The following ATP9A variants were observed in gnomAD, a reference collection of about 807,000 sequenced individuals.
The protein encoded by ATP9A is probable phospholipid-transporting ATPase IIA.
ATP9A carries 52 observed loss-of-function variants against 144.1 expected under a neutral mutation model. The observed-to-expected ratio is 0.36, with a 90% CI of 0.29 to 0.45. The LOEUF is 0.45. ATP9A is among the 20% of genes least tolerant of loss of function. The pLI is 1.00. For missense variants in ATP9A, 947 were observed against 1,392.7 expected (o/e 0.68, Z 5.09); for synonymous variants, 582 against 557.4 (o/e 1.04, Z -0.62).
chr20:51,711,388 G>A (rs950461439), intron 4 of ATP9A, among the ~76,000 whole-genome samples: 3 of 151,930 alleles, frequency 2.0e-5, no homozygotes, highest in Non-Finnish European at 4.4e-5. Flanking sequence ...TGAAAACCCC[G>A]AAGGAACCAT....
chr20:51,760,005 T>C (rs549050901), intron 1 of ATP9A, among the ~76,000 whole-genome samples: 2 of 152,160 alleles, frequency 1.3e-5, no homozygotes, highest in African/African-American at 4.8e-5. Flanking sequence ...AGGCTTCTCA[T>C]TGCAGCTCTC....
chr20:51,728,758 C>G (rs2077726780), intron 2 of ATP9A, among the ~76,000 whole-genome samples: 1 of 151,742 alleles, frequency 6.6e-6, no homozygotes, highest in East Asian at 1.9e-4. Context: ...ACAGTGAGAT[C>G]TGGTCTCTTA....
At position 51,639,416 on chromosome 20, in the gene ATP9A, T is replaced by C. The variant is rs573310854; in HGVS notation, c.1595A>G (p.Gln532Arg). 3.7e-6 allele frequency: 6 copies of C among 1,614,102 alleles called. No homozygotes were observed. In the South Asian group the frequency reaches 5.5e-5, roughly 15 times the overall value. Residue 532 changes from glutamine (Q) to arginine (R), a missense_variant, in exon 15 of 28, where the codon CAG becomes CGG. Physicochemically the swap from Gln to Arg is conservative, Grantham distance 43. Transcript: ENST00000338821. Reference sequence around the variant, plus strand: ...CTGTAGGATGGTGAAGTTCAGGATCTGGTCGCCAGGGGTCCTCAGCTGCAT... The same window carrying C: ...CTGTAGGATGGTGAAGTTCAGGATCCGGTCGCCAGGGGTCCTCAGCTGCAT... ...SSMQLRTPGD[Q>R]ILNFTILQIF...
At chr20:51,762,018 T>C (rs1409054673) in intron 1 of ATP9A, among the ~76,000 whole-genome samples, 2 of 152,066 alleles carry the variant, frequency 1.3e-5, no homozygotes, top group African/African-American at 2.4e-5. Flanking sequence ...AATCTTTCTC[T>C]TATGCTGACA....
In ATP9A at chr20:51,613,748, TC is replaced by T. The variant is rs1389514362; in HGVS notation, c.2499del (p.Asn834ThrfsTer13). On this transcript the variant is annotated frameshift_variant, in exon 23 of 28. Coordinates refer to ENST00000338821, the MANE Select transcript of ATP9A (RefSeq NM_006045.3). LOFTEE classifies it high-confidence loss of function. ...AGGGCGGCTGACCGCTTGTAGCTGT[TC>T]CGGCCATGCACCATAAGCAACCGGC... is the stretch of plus-strand genomic sequence containing the variant. ...HLGRLLMVHG[R>X]NSYKRSAALS... 6.2e-7 allele frequency: 1 copy of T among 1,614,042 alleles called. No individual in the cohort carries two copies. The highest frequency in any genetic ancestry group is 1.3e-5 in the African/African-American group (1 of 74,928).
chr20:51,627,477 A>T, intron 17 of ATP9A, 123 bp downstream of exon 17: 2 of 881,636 alleles, frequency 2.3e-6, no homozygotes, highest in Non-Finnish European at 3.7e-6. Flanking sequence ...CTTCAACAAC[A>T]GTGAACCCAG....
At chr20:51,653,935 G>T (rs1347183678) in intron 14 of ATP9A, among the ~76,000 whole-genome samples, 3 of 152,110 alleles carry the variant, frequency 2.0e-5, no homozygotes, top group Non-Finnish European at 2.9e-5. Flanking sequence ...CCAAAAATAT[G>T]GCCCTCTCTG....
chr20:51,625,289 T>C lies in ATP9A; in HGVS notation c.1919A>G (p.Glu640Gly). ...LKVATVIESL[E>G]MEMELLCLTG... ...CAGGCACAGCAGTTCCATCTCCATC[T>C]CCAGGCTCTCGATCACCGTGGCCAC... The change falls in exon 18 of 28, where the codon GAG becomes GGG. Residue 640 changes from glutamate to glycine, a missense_variant. Around this residue, in one of 2 missense-constraint regions of ATP9A, gnomAD observed 770 missense variants for 1,047.9 expected, o/e 0.73. Transcript: ENST00000338821. 6.2e-7 allele frequency: 1 copy of C among 1,614,190 alleles called. No individual in the cohort carries two copies. The highest frequency in any genetic ancestry group is 8.5e-7 in the Non-Finnish European group (1 of 1,180,020).
chr20:51,600,303 T>C lies in ATP9A; in HGVS notation c.*908A>G, dbSNP rs1196608559. 2.0e-5 allele frequency: 3 copies of C among 152,198 alleles called. No homozygotes were observed. Among genetic ancestry groups the C allele is most frequent in the Non-Finnish European group, 4.4e-5 (3 of 68,026 alleles). 9.4% of individuals were successfully genotyped at this position (152,198 alleles called of 1,614,324 possible). On this transcript the variant is annotated 3_prime_UTR_variant, in exon 28 of 28. Coordinates refer to ENST00000338821, the MANE Select transcript of ATP9A (RefSeq NM_006045.3). ...TGGAGGATCTGAGTCACATCTGCCA[T>C]GTTGCCTAAAGAATTAGTTGAGTCT...
intron 26 of ATP9A, among the ~76,000 whole-genome samples, chr20:51,606,038 G>C (rs756283158): frequency 1.3e-5 from 2 of 152,228 alleles, no homozygotes; most frequent in Non-Finnish European, 2.9e-5. Context: ...GGGAGGCCAA[G>C]GTGGGCGGAT....
chr20:51,645,380 C>T (rs575710935), intron 14 of ATP9A, among the ~76,000 whole-genome samples: 3 of 152,256 alleles, frequency 2.0e-5, no homozygotes, highest in South Asian at 2.1e-4. Context: ...ATTAGCAGAG[C>T]GTGGTGGCAG....
At chr20:51,636,543 C>T (rs1045826457) in intron 15 of ATP9A, among the ~76,000 whole-genome samples, 1 of 152,184 alleles carries the variant, frequency 6.6e-6, no homozygotes, top group East Asian at 1.9e-4. Context: ...CACACCCCAG[C>T]CCTAACCCCC....
chr20:51,608,980 G>A (rs534972005), intron 24 of ATP9A, among the ~76,000 whole-genome samples: 1 of 145,188 alleles, frequency 6.9e-6, no homozygotes, highest in East Asian at 2.1e-4. Flanking sequence ...AATTTTAGAG[G>A]CTGAGGAACA....
chr20:51,658,021 G>T (rs906191885), intron 13 of ATP9A, among the ~76,000 whole-genome samples: 10 of 152,206 alleles, frequency 6.6e-5, no homozygotes, highest in Non-Finnish European at 1.5e-4. Context: ...CCAGGAATGG[G>T]TTAAGTCTTG....
chr20:51,684,047 T>C (rs964621441), intron 9 of ATP9A, among the ~76,000 whole-genome samples: 5 of 151,888 alleles, frequency 3.3e-5, no homozygotes, highest in Admixed American at 6.6e-5. Flanking sequence ...TAGCCAGGCA[T>C]GGTGAGGTGC....
At chr20:51,696,224 C>A in intron 5 of ATP9A, 80 bp from the exon 6 acceptor site, 1 of 1,296,906 alleles carries the variant, frequency 7.7e-7, no homozygotes, top group Admixed American at 1.9e-5. Context: ...TCCGCCCCCA[C>A]CCCCAACCCC....
Position 51,608,632 on chromosome 20 carries a change from A to G in ATP9A, c.2637-6T>C. The G allele has an allele frequency of 6.3e-7, 1 of 1,579,908 alleles. No individual in the cohort carries two copies. On this transcript the variant is annotated splice_polypyrimidine_tract_variant and splice_region_variant and intron_variant, in intron 24 of 27. Transcript: ENST00000338821. ...TGGTGTAAATTGTGGAGTACCTGGG[A>G]GAGAAAACCGCCATAGGTAAGACCT...
rs763046991 is a variant in ATP9A, at chr20:51,657,165, A to T, written c.1294-15T>A. ...TCCTGGGATTGCTACAGGAAGGAGAAATGAACAAGGAAGATGACCAGAGGC... is the reference window on the plus strand; with the variant it reads ...TCCTGGGATTGCTACAGGAAGGAGATATGAACAAGGAAGATGACCAGAGGC... On this transcript the variant is annotated splice_polypyrimidine_tract_variant and intron_variant, in intron 13 of 27. Coordinates refer to ENST00000338821, the MANE Select transcript of ATP9A (RefSeq NM_006045.3). 3.1e-6 allele frequency: 5 copies of T among 1,603,384 alleles called. No individual in the cohort carries two copies. Among genetic ancestry groups the T allele is most frequent in the Non-Finnish European group, 4.3e-6 (5 of 1,170,708 alleles).
In ATP9A at chr20:51,706,567, C is replaced by T. The variant is rs145693180; in HGVS notation, c.436+6399G>A. 2.9e-3 allele frequency among the ~76,000 whole-genome samples: 449 copies of T among 152,294 alleles called. 2 individuals carry two copies. The highest frequency in any genetic ancestry group is 9.9e-3 in the African/African-American group (410 of 41,558). Reference sequence around the variant, plus strand: ...CTTGAGCCCAGGAGTTCGAGACTGGCCTGGTAACTTCATCTCTATAAAGAA... The same window carrying T: ...CTTGAGCCCAGGAGTTCGAGACTGGTCTGGTAACTTCATCTCTATAAAGAA... On this transcript the variant is annotated intron_variant, in intron 4 of 27. Transcript: ENST00000338821.
Sources: allele counts gnomAD v4.1 joint callset (sites outside exome capture counted in the v4.1 genomes callset), GRCh38; gene constraint gnomAD v4.1.1; regional missense constraint gnomAD v4.1.1; transcripts MANE v1.5; gene names NCBI Gene and HGNC (gene_info 2026-07-23, HGNC 2026-07-21).